XPO4: variants seen among roughly 807,000 people sequenced by gnomAD.
XPO4 encodes the protein exportin-4.
A neutral mutation model predicts 143.0 loss-of-function variants in XPO4; 39 were observed. The observed-to-expected ratio is 0.27, with a 90% CI of 0.21 to 0.36. The LOEUF is 0.36. XPO4 is among the 10% of genes least tolerant of loss of function. The pLI, the probability that XPO4 is intolerant of heterozygous loss-of-function variation, is 1.00. For missense variants in XPO4, 907 were observed against 1,348.0 expected (o/e 0.67, Z 5.12); for synonymous variants, 439 against 474.0 (o/e 0.93, Z 0.96).
intron 3 of XPO4, chr13:20,857,861 AG>A: frequency 1.0e-6 from 1 of 985,466 alleles, no homozygotes; most frequent in Non-Finnish European, 1.2e-6. Context: ...TCTTTCATAA[AG>A]GACATTGTGC....
intron 1 of XPO4, among the ~76,000 whole-genome samples, chr13:20,889,108 C>T (rs536365138): frequency 2.0e-5 from 3 of 152,030 alleles, no homozygotes; most frequent in East Asian, 1.9e-4. Flanking sequence ...CCACTGCACC[C>T]GGCAAAAAGA....
chr13:20,826,143 A>AC (rs1322718343), intron 7 of XPO4, among the ~76,000 whole-genome samples: 1 of 152,212 alleles, frequency 6.6e-6, no homozygotes, highest in East Asian at 1.9e-4. Flanking sequence ...TTAGCATCCA[A>AC]CACATAAACA....
chr13:20,835,397 A>G (rs574499322), intron 6 of XPO4, among the ~76,000 whole-genome samples: 1 of 152,330 alleles, frequency 6.6e-6, no homozygotes, highest in East Asian at 1.9e-4. Context: ...CCATTTTGAA[A>G]GAAACCTAGA....
chr13:20,870,981 T>C (rs1379083853), intron 1 of XPO4, among the ~76,000 whole-genome samples: 1 of 152,042 alleles, frequency 6.6e-6, no homozygotes, highest in Non-Finnish European at 1.5e-5. Flanking sequence ...CTAATTTTTG[T>C]ATTTTTTGTA....
chr13:20,818,539 TA>T (rs1456945991), intron 9 of XPO4, among the ~76,000 whole-genome samples: 1 of 152,198 alleles, frequency 6.6e-6, no homozygotes, highest in Non-Finnish European at 1.5e-5. Context: ...ATTCTCACAG[TA>T]AAACAAAGTC....
chr13:20,800,820 T>C lies in XPO4; in HGVS notation c.1977+11A>G. ...TAAATCCAAATGAAGTTTTAAGTTT[T>C]ACATTCTGACCTGATCATACAGTTT... On this transcript the variant is annotated intron_variant, in intron 14 of 22. Coordinates refer to ENST00000255305, the MANE Select transcript of XPO4 (RefSeq NM_022459.5). The C allele has an allele frequency of 6.2e-7, 1 of 1,605,740 alleles. No homozygotes were observed. Among genetic ancestry groups the C allele is most frequent in the African/African-American group, 1.3e-5 (1 of 74,648 alleles).
In XPO4 at chr13:20,800,828, G is replaced by C; in HGVS notation, c.1977+3C>G. On this transcript the variant is annotated splice_donor_region_variant and intron_variant, in intron 14 of 22. Transcript: ENST00000255305. ...AATGAAGTTTTAAGTTTTACATTCT[G>C]ACCTGATCATACAGTTTTTCATCCA... 2 of 1,612,924 alleles carry C rather than the reference G, an allele frequency of 1.2e-6. No homozygotes were observed. Among genetic ancestry groups the C allele is most frequent in the Non-Finnish European group, 1.7e-6 (2 of 1,179,696 alleles).
chr13:20,782,767 C>CA lies in XPO4; in HGVS notation c.*954dup, dbSNP rs1480782070. The CA allele has an allele frequency of 6.6e-6, 1 of 152,614 alleles. No individual in the cohort carries two copies. Among genetic ancestry groups the CA allele is most frequent in the African/African-American group, 2.4e-5 (1 of 41,444 alleles). 9.5% of individuals were successfully genotyped at this position (152,614 alleles called of 1,614,324 possible). A position where few individuals can be genotyped will look rare whatever the true frequency, so the allele number is the denominator to read the frequency against. On this transcript the variant is annotated 3_prime_UTR_variant, in exon 23 of 23. Transcript: ENST00000255305. ...CTAACACCCTAAACCAACTCTGAAG[C>CA]ATCAAGACGTGGTTTCTTACTAAAA...
rs953994591 is a variant in XPO4, at chr13:20,781,266, G to A, written c.*2456C>T. 1.3e-5 allele frequency: 2 copies of A among 152,406 alleles called. No individual in the cohort carries two copies. Among genetic ancestry groups the A allele is most frequent in the Non-Finnish European group, 2.9e-5 (2 of 68,012 alleles). 9.4% of individuals were successfully genotyped at this position (152,406 alleles called of 1,614,324 possible). A position where few individuals can be genotyped will look rare whatever the true frequency, so the allele number is the denominator to read the frequency against. On this transcript the variant is annotated 3_prime_UTR_variant, in exon 23 of 23. Coordinates refer to ENST00000255305, the MANE Select transcript of XPO4 (RefSeq NM_022459.5). ...AAGACCGGAGAAGTTAATAAACACA[G>A]CTAAAGACAAAATTGGACAAAATAA...
chr13:20,816,074 A>G lies in XPO4; in HGVS notation c.1173+5630T>C, dbSNP rs185244458. On this transcript the variant is annotated intron_variant, in intron 9 of 22. Transcript: ENST00000255305. ...TCATTTCATTATTCTTTATATTTTT[A>G]TAACATAAAACTAGTACTTTATATG... Among the ~76,000 whole-genome samples, 212 of 152,356 alleles carry G rather than the reference A, an allele frequency of 1.4e-3. 3 individuals carry two copies. Among genetic ancestry groups the G allele is most frequent in the Admixed American group, 0.014 (211 of 15,304 alleles).
intron 9 of XPO4, among the ~76,000 whole-genome samples, chr13:20,814,623 T>G (rs183923940): frequency 2.9e-4 from 44 of 152,360 alleles, no homozygotes; most frequent in African/African-American, 1.0e-3. Flanking sequence ...CCATGGCCAC[T>G]CTGGCCAAAA....
chr13:20,822,569 C>T (rs533920927), intron 7 of XPO4, among the ~76,000 whole-genome samples: 75 of 152,308 alleles, frequency 4.9e-4, no homozygotes, highest in Non-Finnish European at 6.3e-4. Flanking sequence ...AGATGCCAGC[C>T]AGTCAGACAT....
intron 7 of XPO4, among the ~76,000 whole-genome samples, chr13:20,823,533 C>A (rs561485372): frequency 6.6e-6 from 1 of 151,576 alleles, no homozygotes; most frequent in South Asian, 2.1e-4. Context: ...TTGGCCCCCG[C>A]CTGTTTTTGT....
In XPO4 at chr13:20,780,656, G is replaced by GT. The variant is rs2059132294; in HGVS notation, c.*3065dup. On this transcript the variant is annotated 3_prime_UTR_variant, in exon 23 of 23. Coordinates refer to ENST00000255305, the MANE Select transcript of XPO4 (RefSeq NM_022459.5). ...AAATAAGACTAAATTCTTAAAATTAGTTTGAAAAAAACCTGCAGTTTGTTT... is the reference window on the plus strand; with the variant it reads ...AAATAAGACTAAATTCTTAAAATTAGTTTTGAAAAAAACCTGCAGTTTGTTT... The GT allele has an allele frequency of 6.6e-6, 1 of 152,118 alleles. No homozygotes were observed. Among genetic ancestry groups the GT allele is most frequent in the Admixed American group, 6.5e-5 (1 of 15,274 alleles). 9.4% of individuals were successfully genotyped at this position (152,118 alleles called of 1,614,324 possible).
At chr13:20,854,426 C>T (rs1414165941) in intron 4 of XPO4, among the ~76,000 whole-genome samples, 1 of 152,176 alleles carries the variant, frequency 6.6e-6, no homozygotes, top group East Asian at 1.9e-4. Context: ...AACCTCAAAG[C>T]ATCAACTACA....
chr13:20,846,636 CCT>C lies in XPO4; in HGVS notation c.457-2752_457-2751del, dbSNP rs373957352. ...TTTCGTTTTTAAATAATTTTTTCAT[CCT>C]ACAAAAATATACTTCTATCTTAGAA... On this transcript the variant is annotated intron_variant, in intron 4 of 22. Coordinates refer to ENST00000255305, the MANE Select transcript of XPO4 (RefSeq NM_022459.5). 2.0e-3 allele frequency among the ~76,000 whole-genome samples: 306 copies of C among 152,238 alleles called. 1 individual carries two copies. The highest frequency in any genetic ancestry group is 7.5e-3 in the South Asian group (36 of 4,824).
chr13:20,850,845 C>T (rs1287989293), intron 4 of XPO4: 1 of 985,124 alleles, frequency 1.0e-6, no homozygotes, highest in Admixed American at 6.2e-5. Context: ...AGTTTCTGGC[C>T]AATGAAGGTT....
chr13:20,815,857 T>C (rs1322187448), intron 9 of XPO4, among the ~76,000 whole-genome samples: 1 of 152,144 alleles, frequency 6.6e-6, no homozygotes, highest in East Asian at 1.9e-4. Context: ...TGCAAAAAAG[T>C]GCCCAAAACA....
intron 2 of XPO4, among the ~76,000 whole-genome samples, chr13:20,864,672 T>C (rs969363358): frequency 1.3e-5 from 2 of 152,190 alleles, no homozygotes; most frequent in Non-Finnish European, 2.9e-5. Flanking sequence ...TTCCTAACTA[T>C]TTGTTTTTAC....
Sources: gnomAD v4.1 joint callset for allele counts (sites outside exome capture counted in the v4.1 genomes callset) on GRCh38, gnomAD v4.1.1 for gene constraint, MANE v1.5 for transcripts, NCBI Gene and HGNC (gene_info 2026-07-23, HGNC 2026-07-21) for gene names.